DENND1A: variants seen among roughly 807,000 people sequenced by gnomAD.
DENND1A encodes the protein DENN domain containing 1A, also known as DENN domain-containing protein 1A.
Under a neutral mutation model 113.7 loss-of-function variants are expected in DENND1A, and 51 were observed. That is an observed-to-expected ratio of 0.45 (90% CI 0.36 to 0.57). The LOEUF is 0.57. Among genes scored for constraint, DENND1A ranks in the 20% least tolerant of loss-of-function variants. DENND1A has a pLI of 0.00. For synonymous variants in DENND1A, 565 were observed against 570.8 expected, an observed-to-expected ratio of 0.99 and a Z score of 0.14; for missense variants, 1,258 against 1,395.9, an observed-to-expected ratio of 0.90 and a Z score of 1.57.
At chr9:123,512,343 G>C (rs1183000423) in intron 13 of DENND1A, among the ~76,000 whole-genome samples, 1 of 152,230 alleles carries the variant, frequency 6.6e-6, no homozygotes, top group Non-Finnish European at 1.5e-5. Context: ...CTGGCTTCGA[G>C]GGGGAGCGTG....
At position 123,563,871 on chromosome 9, in the gene DENND1A, T is replaced by C. The variant is rs192860314; in HGVS notation, c.868-6176A>G. ...TCAAAACCCATTCGCAAACCTGGGA[T>C]ATTCTTTATCGTATTCTCTAACAAA... is the stretch of plus-strand genomic sequence containing the variant. On this transcript the variant is annotated intron_variant, in intron 12 of 23. Coordinates refer to ENST00000394215, the MANE Select transcript of DENND1A (RefSeq NM_001352964.2). 1.7e-4 allele frequency among the ~76,000 whole-genome samples: 26 copies of C among 152,288 alleles called. No individual in the cohort carries two copies. The East Asian group carries it at 4.6e-3, about 27-fold the overall frequency.
At chr9:123,829,405 GA>G (rs1161801866) in intron 2 of DENND1A, among the ~76,000 whole-genome samples, 2 of 151,602 alleles carry the variant, frequency 1.3e-5, no homozygotes, top group Non-Finnish European at 2.9e-5. Flanking sequence ...AGACTTAAAA[GA>G]AAAAAATCAT....
At chr9:123,525,489 C>G (rs966710951) in intron 13 of DENND1A, among the ~76,000 whole-genome samples, 2 of 152,118 alleles carry the variant, frequency 1.3e-5, no homozygotes, top group Non-Finnish European at 2.9e-5. Flanking sequence ...GTGTAGGTAG[C>G]AGATAAATGC....
chr9:123,826,585 C>T, intron 2 of DENND1A, among the ~76,000 whole-genome samples: 1 of 152,096 alleles, frequency 6.6e-6, no homozygotes, highest in African/African-American at 2.4e-5. Flanking sequence ...TTCCATGATA[C>T]CCTTGATTCT....
chr9:123,394,796 C>T (rs1325054180), intron 21 of DENND1A, among the ~76,000 whole-genome samples: 1 of 152,208 alleles, frequency 6.6e-6, no homozygotes, highest in East Asian at 1.9e-4. Flanking sequence ...CTTTCCTCTG[C>T]AGGGAAGAGG....
chr9:123,402,242 G>GCACA (rs60657662), intron 21 of DENND1A, among the ~76,000 whole-genome samples: 2 of 128,022 alleles, frequency 1.6e-5, no homozygotes, highest in Non-Finnish European at 1.8e-5. Flanking sequence ...GCGCACACGT[G>GCACA]CACACACACA....
chr9:123,398,613 G>A (rs1247777507), intron 21 of DENND1A, among the ~76,000 whole-genome samples: 4 of 151,480 alleles, frequency 2.6e-5, no homozygotes, highest in Middle Eastern at 3.5e-3. Context: ...TCCTGACCTC[G>A]TGATCCGCCC....
chr9:123,888,887 T>C (rs1849486516), intron 1 of DENND1A, among the ~76,000 whole-genome samples: 1 of 151,672 alleles, frequency 6.6e-6, no homozygotes, highest in African/African-American at 2.4e-5. Context: ...GAGAATAACC[T>C]TGTTTGTAGG....
intron 2 of DENND1A, among the ~76,000 whole-genome samples, chr9:123,846,830 TA>T (rs1001122517): frequency 6.6e-6 from 1 of 152,226 alleles, no homozygotes; most frequent in Non-Finnish European, 1.5e-5. Flanking sequence ...AATTTACACT[TA>T]AAAATATTTA....
intron 1 of DENND1A, among the ~76,000 whole-genome samples, chr9:123,881,955 C>G (rs1035468003): frequency 6.6e-6 from 1 of 152,176 alleles, no homozygotes; most frequent in Admixed American, 6.5e-5. Context: ...CTGCCCTCCT[C>G]CTTGAATGTC....
chr9:123,760,964 C>T (rs117265576), intron 4 of DENND1A, among the ~76,000 whole-genome samples: 3,311 of 152,210 alleles, frequency 0.022, 49 homozygotes, highest in Non-Finnish European at 0.033. Context: ...TTTGATTTCA[C>T]TTCTAGAATG....
chr9:123,874,748 G>C (rs1847191300), intron 2 of DENND1A, among the ~76,000 whole-genome samples: 1 of 152,168 alleles, frequency 6.6e-6, no homozygotes, highest in Non-Finnish European at 1.5e-5. Flanking sequence ...TAACCATCAG[G>C]TTGGCAAAAG....
intron 12 of DENND1A, among the ~76,000 whole-genome samples, chr9:123,577,920 G>A (rs1196708650): frequency 6.6e-6 from 1 of 152,102 alleles, no homozygotes; most frequent in Non-Finnish European, 1.5e-5. Context: ...ATGCCCTACT[G>A]GTGTCTCTTA....
intron 3 of DENND1A, among the ~76,000 whole-genome samples, chr9:123,786,870 T>C (rs1166616530): frequency 6.6e-6 from 1 of 152,122 alleles, no homozygotes; most frequent in African/African-American, 2.4e-5. Flanking sequence ...TGGATCTAGT[T>C]TGAAGAGAAC....
At chr9:123,811,296 G>A (rs1239976214) in intron 2 of DENND1A, among the ~76,000 whole-genome samples, 2 of 152,200 alleles carry the variant, frequency 1.3e-5, no homozygotes, top group Non-Finnish European at 2.9e-5. Flanking sequence ...GCAAAGGTTA[G>A]AAGTGTGGGA....
chr9:123,503,145 GC>G (rs2052633845), intron 13 of DENND1A, among the ~76,000 whole-genome samples: 1 of 152,150 alleles, frequency 6.6e-6, no homozygotes, highest in Admixed American at 6.5e-5. Context: ...GTTATCTACG[GC>G]ATGCTATCTA....
At chr9:123,501,077 T>C (rs1564609551) in intron 13 of DENND1A, among the ~76,000 whole-genome samples, 1 of 152,224 alleles carries the variant, frequency 6.6e-6, no homozygotes, top group Admixed American at 6.5e-5. Flanking sequence ...TGAAATTCTG[T>C]AGGCCTGAAA....
At chr9:123,553,242 A>T (rs1319831012) in intron 13 of DENND1A, among the ~76,000 whole-genome samples, 1 of 152,086 alleles carries the variant, frequency 6.6e-6, no homozygotes, top group Non-Finnish European at 1.5e-5. Context: ...ATAGAGCGAG[A>T]CCCCGTCTCA....
intron 2 of DENND1A, among the ~76,000 whole-genome samples, chr9:123,802,907 G>A (rs1834936007): frequency 1.3e-5 from 2 of 152,034 alleles, no homozygotes; most frequent in African/African-American, 2.4e-5. Flanking sequence ...TCTCTGTGTT[G>A]GTCAGGCTGG....
Sources: gnomAD v4.1 joint callset for allele counts (sites outside exome capture counted in the v4.1 genomes callset) on GRCh38, gnomAD v4.1.1 for gene constraint, MANE v1.5 for transcripts, NCBI Gene and HGNC (gene_info 2026-07-23, HGNC 2026-07-21) for gene names.